Variants in TSHZ2 observed in about 807,000 individuals in gnomAD.
TSHZ2 encodes teashirt homolog 2.
In TSHZ2, 21 loss-of-function variants were observed where a neutral mutation model predicts 74.4. The ratio of observed to expected loss-of-function variants is 0.28; its 90% CI spans 0.20 to 0.41. The LOEUF (loss-of-function observed/expected upper bound fraction) is 0.41. Ranked by LOEUF, TSHZ2 falls within the 10% of genes least tolerant of loss-of-function variation. TSHZ2 has a pLI of 1.00. For missense variants in TSHZ2, 1,244 were observed against 1,293.5 expected, an observed-to-expected ratio of 0.96 and a Z score of 0.59; for synonymous variants, 540 against 515.3, an observed-to-expected ratio of 1.05 and a Z score of -0.65.
intron 1 of TSHZ2, among the ~76,000 whole-genome samples, chr20:53,017,444 T>A (rs1345999768): frequency 3.3e-5 from 5 of 152,206 alleles, no homozygotes; most frequent in Admixed American, 2.0e-4. Flanking sequence ...CAACATTTTT[T>A]TTCTTTAACA....
At chr20:53,291,155 A>G (rs1991270040) in intron 2 of TSHZ2, among the ~76,000 whole-genome samples, 1 of 152,178 alleles carries the variant, frequency 6.6e-6, no homozygotes, top group Admixed American at 6.5e-5. Flanking sequence ...GGTGCTAGTC[A>G]GTTCCAAATA....
chr20:53,319,067 C>T (rs1979143045), intron 2 of TSHZ2, among the ~76,000 whole-genome samples: 1 of 152,182 alleles, frequency 6.6e-6, no homozygotes, highest in Non-Finnish European at 1.5e-5. Flanking sequence ...GATTTAATTA[C>T]CTCTCACCAG....
intron 1 of TSHZ2, among the ~76,000 whole-genome samples, chr20:53,050,641 A>C (rs1984427050): frequency 6.6e-6 from 1 of 152,208 alleles, no homozygotes; most frequent in African/African-American, 2.4e-5. Flanking sequence ...AGTTGAGTTG[A>C]GTTGGTTGCT....
chr20:53,150,415 T>C (rs1987648006), intron 1 of TSHZ2, among the ~76,000 whole-genome samples: 1 of 152,208 alleles, frequency 6.6e-6, no homozygotes. Flanking sequence ...AAACCTGTTT[T>C]TATATAGCTG....
chr20:53,408,334 A>T (rs117228578), intron 2 of TSHZ2, among the ~76,000 whole-genome samples: 1,957 of 152,352 alleles, frequency 0.013, 24 homozygotes, highest in Non-Finnish European at 0.021. Flanking sequence ...GGAGAAAAGC[A>T]ACCCAGGAAC....
At chr20:53,127,759 C>G (rs925220659) in intron 1 of TSHZ2, among the ~76,000 whole-genome samples, 3 of 152,180 alleles carry the variant, frequency 2.0e-5, no homozygotes, top group Admixed American at 6.5e-5. Flanking sequence ...ATAACAACTT[C>G]ATCGATGACA....
intron 2 of TSHZ2, among the ~76,000 whole-genome samples, chr20:53,274,298 AT>A (rs769732732): frequency 1.3e-5 from 2 of 152,138 alleles, no homozygotes; most frequent in Non-Finnish European, 2.9e-5. Context: ...GTAAACCACT[AT>A]TTTCATGCTT....
At chr20:53,364,686 T>A (rs1981190287) in intron 2 of TSHZ2, among the ~76,000 whole-genome samples, 1 of 152,208 alleles carries the variant, frequency 6.6e-6, no homozygotes, top group African/African-American at 2.4e-5. Flanking sequence ...AGTGGGAAAT[T>A]TCCCAGATAG....
intron 2 of TSHZ2, among the ~76,000 whole-genome samples, chr20:53,339,275 A>G (rs1176514536): frequency 6.6e-6 from 1 of 152,172 alleles, no homozygotes; most frequent in Non-Finnish European, 1.5e-5. Context: ...ACCAGGCCCT[A>G]TGCAGGGAGT....
chr20:53,175,018 T>G (rs1407155465), intron 1 of TSHZ2, among the ~76,000 whole-genome samples: 1 of 152,082 alleles, frequency 6.6e-6, no homozygotes, highest in Non-Finnish European at 1.5e-5. Context: ...CTCGATGAGT[T>G]TCTGTTTGCT....
intron 1 of TSHZ2, among the ~76,000 whole-genome samples, chr20:53,001,629 C>A (rs6512872): frequency 0.037 from 5,637 of 152,212 alleles, 324 homozygotes; most frequent in African/African-American, 0.13. Context: ...GACAGGGGAG[C>A]TAAACTCTGC....
chr20:53,304,829 G>A (rs1354459307), intron 2 of TSHZ2, among the ~76,000 whole-genome samples: 2 of 151,806 alleles, frequency 1.3e-5, no homozygotes, highest in African/African-American at 4.8e-5. Context: ...ACGGGGTTTC[G>A]CCATGTTAGC....
At chr20:53,317,210 C>T (rs1181072309) in intron 2 of TSHZ2, among the ~76,000 whole-genome samples, 1 of 152,178 alleles carries the variant, frequency 6.6e-6, no homozygotes, top group Non-Finnish European at 1.5e-5. Flanking sequence ...CAAAAGGCTC[C>T]TGCCAGGCTG....
At chr20:53,143,245 C>T (rs937107483) in intron 1 of TSHZ2, among the ~76,000 whole-genome samples, 1 of 152,186 alleles carries the variant, frequency 6.6e-6, no homozygotes, top group African/African-American at 2.4e-5. Context: ...CCAGAAAATA[C>T]CACGTTTACT....
chr20:53,048,020 G>A (rs759203370), intron 1 of TSHZ2, among the ~76,000 whole-genome samples: 1 of 152,160 alleles, frequency 6.6e-6, no homozygotes, highest in Non-Finnish European at 1.5e-5. Flanking sequence ...GCTGAGTGGC[G>A]ATCCCATCTC....
chr20:53,294,208 G>A (rs1450370425), intron 2 of TSHZ2, among the ~76,000 whole-genome samples: 2 of 152,046 alleles, frequency 1.3e-5, no homozygotes, highest in African/African-American at 2.4e-5. Context: ...GCAAAAGGCA[G>A]GTACCTCCCT....
intron 1 of TSHZ2, among the ~76,000 whole-genome samples, chr20:53,250,432 A>G (rs1320217093): frequency 6.6e-6 from 1 of 152,188 alleles, no homozygotes; most frequent in Non-Finnish European, 1.5e-5. Context: ...CTGGTGGCAA[A>G]CAAAATCACT....
intron 1 of TSHZ2, among the ~76,000 whole-genome samples, chr20:52,999,707 C>CA (rs539485228): frequency 9.3e-4 from 142 of 151,936 alleles, no homozygotes; most frequent in Non-Finnish European, 1.7e-3. Context: ...CTAGAGCTTT[C>CA]AAAAAAAAGT....
At chr20:52,999,431 C>G (rs573789854) in intron 1 of TSHZ2, among the ~76,000 whole-genome samples, 2 of 152,178 alleles carry the variant, frequency 1.3e-5, no homozygotes, top group Non-Finnish European at 2.9e-5. Context: ...AACCATAGAG[C>G]CTTTGCCTCC....
Sources: gnomAD v4.1 joint callset for allele counts (sites outside exome capture counted in the v4.1 genomes callset) on GRCh38, gnomAD v4.1.1 for gene constraint, MANE v1.5 for transcripts, NCBI Gene and HGNC (gene_info 2026-07-23, HGNC 2026-07-21) for gene names.